The following SLC38A6 variants were observed in gnomAD, a reference collection of about 807,000 sequenced individuals.
SLC38A6 encodes the protein solute carrier family 38 member 6.
SLC38A6 carries 73 observed loss-of-function variants against 65.0 expected under a neutral mutation model. That is an observed-to-expected ratio of 1.12 (90% confidence interval 0.93 to 1.37). The LOEUF is 1.37. SLC38A6 is among the 40% of genes most tolerant of loss of function. The pLI is 0.00. For synonymous variants in SLC38A6, 183 were observed against 178.8 expected, an observed-to-expected ratio of 1.02 and a Z score of -0.19; for missense variants, 561 against 531.1, an observed-to-expected ratio of 1.06 and a Z score of -0.55.
At chr14:61,076,191 A>G (rs2043411340) in intron 15 of SLC38A6, among the ~76,000 whole-genome samples, 2 of 152,174 alleles carry the variant, frequency 1.3e-5, no homozygotes. Context: ...GGCAGTAGGA[A>G]TCAGAGGGAG....
intron 15 of SLC38A6, among the ~76,000 whole-genome samples, chr14:61,065,750 A>G (rs1486687728): frequency 6.6e-6 from 1 of 152,212 alleles, no homozygotes; most frequent in African/African-American, 2.4e-5. Flanking sequence ...AATGGCAAAC[A>G]CTGTATAAGA....
chr14:61,083,667 C>T (rs927506374), exon 17 of SLC38A6: 1 of 1,550,052 alleles, frequency 6.5e-7, no homozygotes, highest in Non-Finnish European at 8.7e-7. Context: ...AACGTGTCCA[C>T]ACCTTGATCT....
At chr14:61,029,316 C>T (rs543263991) in intron 5 of SLC38A6, among the ~76,000 whole-genome samples, 2 of 152,162 alleles carry the variant, frequency 1.3e-5, no homozygotes, top group African/African-American at 4.8e-5. Flanking sequence ...GCCACCACGC[C>T]TGGCTAATTT....
chr14:61,042,648 C>T (rs563701592), intron 8 of SLC38A6, among the ~76,000 whole-genome samples: 2 of 152,220 alleles, frequency 1.3e-5, no homozygotes, highest in East Asian at 3.9e-4. Flanking sequence ...AAAAATAATT[C>T]AGATCTGTAA....
chr14:60,982,125 G>C (rs2037090516), intron 1 of SLC38A6: 1 of 459,112 alleles, frequency 2.2e-6, no homozygotes, highest in Admixed American at 2.3e-5. Context: ...AGAAACAACT[G>C]CCCACAGCAG....
At chr14:61,010,370 C>A (rs2039465883) in intron 3 of SLC38A6, among the ~76,000 whole-genome samples, 1 of 152,152 alleles carries the variant, frequency 6.6e-6, no homozygotes, top group Non-Finnish European at 1.5e-5. Flanking sequence ...TGTGCAGAAG[C>A]TCTTTAGTTT....
chr14:61,019,720 CTTTT>C, intron 5 of SLC38A6, 140 bp downstream of exon 5: 1 of 542,864 alleles, frequency 1.8e-6, no homozygotes. Context: ...CCTCTTTACT[CTTTT>C]TTTTTTTGGA....
intron 15 of SLC38A6, among the ~76,000 whole-genome samples, chr14:61,077,326 G>A (rs1310283600): frequency 6.6e-6 from 1 of 152,084 alleles, no homozygotes; most frequent in East Asian, 1.9e-4. Context: ...TCTTATAGGT[G>A]GAAAGAAGTA....
At chr14:61,000,611 G>A (rs1463106607) in intron 3 of SLC38A6, among the ~76,000 whole-genome samples, 2 of 152,084 alleles carry the variant, frequency 1.3e-5, no homozygotes, top group Admixed American at 6.5e-5. Context: ...CAGCCTGGGC[G>A]ACAAGAGTGA....
At chr14:60,981,942 C>T (rs1328927657) in intron 1 of SLC38A6, among the ~76,000 whole-genome samples, 3 of 152,170 alleles carry the variant, frequency 2.0e-5, no homozygotes, top group Non-Finnish European at 2.9e-5. Flanking sequence ...ACTTTGTTCC[C>T]GGTGCTGTTT....
At chr14:61,025,405 C>G (rs893820553) in intron 5 of SLC38A6, among the ~76,000 whole-genome samples, 1 of 152,044 alleles carries the variant, frequency 6.6e-6, no homozygotes, top group Admixed American at 6.6e-5. Context: ...TAGGATTGGG[C>G]GCGCAGATAC....
At chr14:61,027,881 C>T (rs142050246) in intron 5 of SLC38A6, among the ~76,000 whole-genome samples, 1 of 151,826 alleles carries the variant, frequency 6.6e-6, no homozygotes, top group East Asian at 1.9e-4. Context: ...TGGTTGTATA[C>T]TCTTAAAATA....
At chr14:61,053,411 G>A (rs1465785508), downstream of SLC38A6, among the ~76,000 whole-genome samples, 1 of 152,130 alleles carries the variant, frequency 6.6e-6, no homozygotes, top group Non-Finnish European at 1.5e-5. Context: ...ATTCAGTAAT[G>A]GGATTGCTGG....
Position 61,051,462 on chromosome 14 carries a change from G to C in SLC38A6, c.1051-325G>C, listed in dbSNP as rs570242151. Among the ~76,000 whole-genome samples, 3 of 151,870 alleles carry C rather than the reference G, an allele frequency of 2.0e-5. No homozygotes were observed. In the South Asian group the frequency reaches 6.3e-4, roughly 32 times the overall value. ...TATAAATTGTCTGTTTTTTTAATCT[G>C]TTGCATTTAATGAAAATCATTCTTT... On this transcript the variant is annotated intron_variant, in intron 13 of 15. Transcript: ENST00000267488.
At position 61,079,533 on chromosome 14, in the gene SLC38A6, C is replaced by T. The variant is rs540019639; in HGVS notation, c.1408+606C>T. On this transcript the variant is annotated intron_variant, in intron 16 of 16. Coordinates refer to the SLC38A6 transcript ENST00000354886. ...CTCAAAACCTGTTTCCACACTCAACCTCCTCTAGAAGGACTTACCTGACTA... is the reference window on the plus strand; with the variant it reads ...CTCAAAACCTGTTTCCACACTCAACTTCCTCTAGAAGGACTTACCTGACTA... Among the ~76,000 whole-genome samples the T allele has an allele frequency of 2.0e-5, 3 of 152,304 alleles. No individual in the cohort carries two copies. The South Asian group carries it at 6.2e-4, about 32-fold the overall frequency.
At chr14:61,022,878 A>C (rs1255099467) in intron 5 of SLC38A6, among the ~76,000 whole-genome samples, 1 of 152,192 alleles carries the variant, frequency 6.6e-6, no homozygotes, top group African/African-American at 2.4e-5. Flanking sequence ...GCTCACATTT[A>C]TCCCATAATG....
chr14:61,011,957 GGTACCA>G (rs1318826859), intron 3 of SLC38A6, among the ~76,000 whole-genome samples: 3 of 152,174 alleles, frequency 2.0e-5, no homozygotes, highest in Non-Finnish European at 4.4e-5. Context: ...CAGAAGGAAT[GGTACCA>G]GCTCCTCCTT....
At chr14:61,048,252 A>G in intron 12 of SLC38A6, 1 of 417,510 alleles carries the variant, frequency 2.4e-6, no homozygotes, top group South Asian at 1.8e-5. Flanking sequence ...TTACAGATGA[A>G]CAACTAAAGC....
chr14:61,080,420 T>G (rs757124962), intron 16 of SLC38A6, among the ~76,000 whole-genome samples: 3 of 152,212 alleles, frequency 2.0e-5, no homozygotes, highest in Non-Finnish European at 4.4e-5. Context: ...CCTGAGAATT[T>G]GGAGCTGACT....
Sources: gnomAD v4.1 joint callset for allele counts (sites outside exome capture counted in the v4.1 genomes callset) on GRCh38, gnomAD v4.1.1 for gene constraint, MANE v1.5 for transcripts, NCBI Gene and HGNC (gene_info 2026-07-23, HGNC 2026-07-21) for gene names.